The following IGF2BP2 variants were observed in gnomAD, a reference collection of about 807,000 sequenced individuals.
IGF2BP2 encodes the protein insulin-like growth factor 2 mRNA-binding protein 2.
Under a neutral mutation model 75.8 loss-of-function variants are expected in IGF2BP2, and 17 were observed. That is an observed-to-expected ratio of 0.22 (90% confidence interval 0.15 to 0.34). IGF2BP2 has a LOEUF of 0.34. Ranked by LOEUF, IGF2BP2 falls within the 10% of genes least tolerant of loss-of-function variation. The probability of loss-of-function intolerance (pLI) is 1.00; values close to 1 mark genes in which losing one functional copy is unlikely to be tolerated. For missense variants in IGF2BP2, 516 were observed against 772.4 expected (o/e 0.67, Z 3.93); for synonymous variants, 288 against 295.6 (o/e 0.97, Z 0.26).
At chr3:185,652,203 G>A (rs755898781) in intron 12 of IGF2BP2, 35 bp from the exon 13 acceptor site, 7 of 1,559,444 alleles carry the variant, frequency 4.5e-6, no homozygotes, top group African/African-American at 2.7e-5. Flanking sequence ...GCTGATGCTC[G>A]GCTGCATTCC....
intron 2 of IGF2BP2, among the ~76,000 whole-genome samples, chr3:185,726,300 C>T (rs1727321129): frequency 6.6e-6 from 1 of 152,164 alleles, no homozygotes; most frequent in African/African-American, 2.4e-5. Flanking sequence ...GCCTCTCCAT[C>T]CCTGACCAAA....
At chr3:185,704,114 T>A (rs1723685577) in intron 2 of IGF2BP2, among the ~76,000 whole-genome samples, 1 of 152,176 alleles carries the variant, frequency 6.6e-6, no homozygotes, top group Admixed American at 6.5e-5. Flanking sequence ...ATACGTCCCA[T>A]CTGTTTCCAC....
intron 2 of IGF2BP2, among the ~76,000 whole-genome samples, chr3:185,774,594 C>CAAAAA (rs10688098): frequency 1.5e-5 from 2 of 129,036 alleles, no homozygotes; most frequent in African/African-American, 2.7e-5. Context: ...GACTCTGTCT[C>CAAAAA]AAAAAAAAAA....
At chr3:185,736,232 T>TG (rs1401090284) in intron 2 of IGF2BP2, among the ~76,000 whole-genome samples, 1 of 151,948 alleles carries the variant, frequency 6.6e-6, no homozygotes, top group Non-Finnish European at 1.5e-5. Context: ...GACTCGGAGG[T>TG]GGGGGGGCCA....
In IGF2BP2 at chr3:185,645,757, C is replaced by T; in HGVS notation, c.1708-134G>A. On this transcript the variant is annotated intron_variant, in intron 15 of 15. Coordinates refer to ENST00000382199, the MANE Select transcript of IGF2BP2 (RefSeq NM_006548.6). The surrounding 1 kb of genome is among the most constrained non-coding windows in gnomAD (Gnocchi z 4.9). ...CTCAGACAAGCATCATCTACCCACC[C>T]CCGCACGTTACTCCAGGCCCTTTTC... 4 of 658,842 alleles carry T rather than the reference C, an allele frequency of 6.1e-6. No homozygotes were observed. The highest frequency in any genetic ancestry group is 1.1e-5 in the Non-Finnish European group (4 of 363,178). The allele number at this position is 658,842 out of a possible 1,614,324, so 40.8% of individuals were successfully genotyped here.
At chr3:185,716,409 C>T (rs1402319279) in intron 2 of IGF2BP2, 4 of 491,976 alleles carry the variant, frequency 8.1e-6, no homozygotes, top group African/African-American at 7.9e-5. Flanking sequence ...GAATATCCCT[C>T]TTTTCTTTCC....
At chr3:185,796,490 G>A (rs1052637382) in intron 2 of IGF2BP2, among the ~76,000 whole-genome samples, 2 of 148,862 alleles carry the variant, frequency 1.3e-5, no homozygotes, top group African/African-American at 2.5e-5. Flanking sequence ...TTGAACTCCC[G>A]AGAGGCAGAG....
At position 185,667,561 on chromosome 3, in the gene IGF2BP2, C is replaced by T. The variant is rs375352352; in HGVS notation, c.1200+4980G>A. On this transcript the variant is annotated intron_variant, in intron 10 of 15. Coordinates refer to ENST00000382199, the MANE Select transcript of IGF2BP2 (RefSeq NM_006548.6). ...AAGGCTTTTTTCCTTAGCATGACGT[C>T]AAAGGTCAGAAACTCCAAAGGAAAA... Among the ~76,000 whole-genome samples, 28 of 152,270 alleles carry T rather than the reference C, an allele frequency of 1.8e-4. 2 individuals are homozygous for T. Among genetic ancestry groups the T allele is most frequent in the Admixed American group, 1.2e-3 (19 of 15,284 alleles).
chr3:185,683,884 G>A (rs539935486), intron 7 of IGF2BP2, among the ~76,000 whole-genome samples: 10 of 152,198 alleles, frequency 6.6e-5, no homozygotes, highest in Non-Finnish European at 1.2e-4. Flanking sequence ...GACATGCTGA[G>A]GAACGTAGAG....
chr3:185,808,132 A>AG (rs1553896278), intron 2 of IGF2BP2, among the ~76,000 whole-genome samples: 7,139 of 128,498 alleles, frequency 0.056, 239 homozygotes, highest in Non-Finnish European at 0.084. Context: ...AAAAAAAAAA[A>AG]AAAGAAAGAA....
At chr3:185,792,455 A>ATT (rs200244664) in intron 2 of IGF2BP2, among the ~76,000 whole-genome samples, 1 of 148,648 alleles carries the variant, frequency 6.7e-6, no homozygotes, top group East Asian at 2.0e-4. Flanking sequence ...GAATACAAAA[A>ATT]TTATTTTTTT....
chr3:185,712,356 C>A (rs192888532), intron 2 of IGF2BP2, among the ~76,000 whole-genome samples: 5 of 152,198 alleles, frequency 3.3e-5, no homozygotes, highest in Admixed American at 3.3e-4. Context: ...TCCTAGGGAA[C>A]AATGACGTAA....
intron 2 of IGF2BP2, among the ~76,000 whole-genome samples, chr3:185,742,831 C>A (rs929608108): frequency 2.0e-5 from 3 of 152,100 alleles, no homozygotes; most frequent in Non-Finnish European, 4.4e-5. Flanking sequence ...CCAGGCACAG[C>A]GGCTCATGCC....
intron 2 of IGF2BP2, among the ~76,000 whole-genome samples, chr3:185,743,734 A>T (rs1470784071): frequency 2.0e-5 from 3 of 152,176 alleles, no homozygotes; most frequent in Non-Finnish European, 4.4e-5. Flanking sequence ...TTTGAACCAA[A>T]CCTCAAATCA....
rs1224865786 is a variant in IGF2BP2 at position 185,824,880 on chromosome 3, C to T, written c.81G>A (p.Lys27=). 1.7e-5 allele frequency: 26 copies of T among 1,569,482 alleles called. No individual in the cohort carries two copies. Among genetic ancestry groups the T allele is most frequent in the Non-Finnish European group, 2.2e-5 (26 of 1,157,874 alleles). ...GCAGGACCTGTCCCGCCAGGGGCAG[C>T]TTCCTGTCCCCAAAGAGCTGCCGGA... is the stretch of plus-strand genomic sequence containing the variant. ...DDLRQLFGDR[K]LPLAGQVLLK... The change falls in exon 1 of 16, where the codon AAG becomes AAA. Residue 27 remains lysine, a synonymous_variant. Transcript: ENST00000382199.
rs777762540 is a variant in IGF2BP2 at position 185,824,770 on chromosome 3, G to A, written c.178+13C>T. The stretch of plus-strand genomic sequence containing the variant: ...GGGCGAGGCGGGGGGAGGGGGCCGC[G>A]CTGAGTGCTCACCCGAGAGGGTCTC... On this transcript the variant is annotated intron_variant, in intron 1 of 15. Transcript: ENST00000382199. 1.3e-5 allele frequency: 17 copies of A among 1,330,544 alleles called. No homozygotes were observed. The highest frequency in any genetic ancestry group is 2.0e-5 in the South Asian group (1 of 48,892). 82.4% of individuals were successfully genotyped at this position (1,330,544 alleles called of 1,614,324 possible).
intron 2 of IGF2BP2, among the ~76,000 whole-genome samples, chr3:185,745,638 C>T (rs1258174716): frequency 6.6e-6 from 1 of 152,154 alleles, no homozygotes; most frequent in Non-Finnish European, 1.5e-5. Flanking sequence ...GTCCTCTTCC[C>T]TCAGCCCCCA....
At chr3:185,712,981 T>A (rs578007362) in intron 2 of IGF2BP2, among the ~76,000 whole-genome samples, 1 of 152,232 alleles carries the variant, frequency 6.6e-6, no homozygotes, top group Admixed American at 6.5e-5. Context: ...TTGTACAATA[T>A]CTGGTGTCCA....
At chr3:185,766,101 A>G (rs966658990) in intron 2 of IGF2BP2, among the ~76,000 whole-genome samples, 2 of 152,170 alleles carry the variant, frequency 1.3e-5, no homozygotes, top group Admixed American at 6.5e-5. Context: ...TAGCAAACTC[A>G]TCCTTCTCGG....
Sources: gnomAD v4.1 joint callset for allele counts (sites outside exome capture counted in the v4.1 genomes callset) on GRCh38, gnomAD v4.1.1 for gene constraint, Gnocchi (gnomAD v3.1) non-coding constraint, MANE v1.5 for transcripts, NCBI Gene and HGNC (gene_info 2026-07-23, HGNC 2026-07-21) for gene names.